Variants in INPP5A observed in about 807,000 individuals in gnomAD.
INPP5A encodes 43 kDa inositol polyphosphate 5-phophatase.
In INPP5A, 14 loss-of-function variants were observed where a neutral mutation model predicts 65.2. That is an observed-to-expected ratio of 0.21 (90% CI 0.14 to 0.34). The LOEUF is 0.34. Ranked by LOEUF, INPP5A falls within the 10% of genes least tolerant of loss-of-function variation. The probability of loss-of-function intolerance (pLI) is 1.00; values close to 1 mark genes in which losing one functional copy is unlikely to be tolerated. For synonymous variants in INPP5A, 207 were observed against 208.3 expected, an observed-to-expected ratio of 0.99 and a Z score of 0.05; for missense variants, 431 against 545.6, an observed-to-expected ratio of 0.79 and a Z score of 2.09.
chr10:132,670,843 CT>C (rs11289296), intron 4 of INPP5A, among the ~76,000 whole-genome samples: 69,730 of 117,098 alleles, frequency 0.6, 20,155 homozygotes, highest in East Asian at 0.83. Context: ...GTCTTTCTTT[CT>C]TTTTTTTTTT....
At chr10:132,749,471 C>T (rs1846431983) in intron 9 of INPP5A, 46 bp from the exon 10 acceptor site, 3 of 1,551,120 alleles carry the variant, frequency 1.9e-6, no homozygotes, top group African/African-American at 1.4e-5. Flanking sequence ...CTGCCATGGG[C>T]AGGTGGGCCC....
At chr10:132,636,196 A>G (rs1461771147) in intron 2 of INPP5A, among the ~76,000 whole-genome samples, 3 of 113,908 alleles carry the variant, frequency 2.6e-5, no homozygotes, top group South Asian at 2.8e-4. Flanking sequence ...TGTATTTTCT[A>G]TACCACACAC....
Position 132,727,033 on chromosome 10 carries a change from C to CG in INPP5A, c.732+128_732+129insG. On this transcript the variant is annotated intron_variant, in intron 9 of 15. Transcript: ENST00000368594. This position sits in a 1 kb window ranked among gnomAD's most constrained non-coding sequence, Gnocchi z 6.5. Reference sequence around the variant, plus strand: ...GCCTCCCGGGATGCACTTTTTAAGGCAAAACCTTTCAATGAAGAAGCATGT... The same window carrying CG: ...GCCTCCCGGGATGCACTTTTTAAGGCGAAAACCTTTCAATGAAGAAGCATGT... 1 of 553,548 alleles carries CG rather than the reference C, an allele frequency of 1.8e-6. No homozygotes were observed. 34.3% of individuals were successfully genotyped at this position (553,548 alleles called of 1,614,324 possible). A position where few individuals can be genotyped will look rare whatever the true frequency, so the allele number is the denominator to read the frequency against.
rs12254145 is a variant in INPP5A, at chr10:132,762,882, G to A, written c.904-2891G>A. On this transcript the variant is annotated intron_variant, in intron 11 of 15. Coordinates refer to ENST00000368594, the MANE Select transcript of INPP5A (RefSeq NM_005539.5). The surrounding 1 kb of genome is among the most constrained non-coding windows in gnomAD (Gnocchi z 4.6). ...CACACGCCTGTAATTCCATCTGCTC[G>A]GGAGGCTGAGGCAGGAGAATCACTT... is the stretch of plus-strand genomic sequence containing the variant. Among the ~76,000 whole-genome samples the A allele has an allele frequency of 1.4e-3, 213 of 152,234 alleles. No individual in the cohort carries two copies. The highest frequency in any genetic ancestry group is 4.8e-3 in the African/African-American group (201 of 41,530).
Position 132,613,665 on chromosome 10 carries a change from A to G in INPP5A, c.117+5709A>G, listed in dbSNP as rs376352584. Among the ~76,000 whole-genome samples, 3 of 150,900 alleles carry G rather than the reference A, an allele frequency of 2.0e-5. No homozygotes were observed. In the East Asian group the frequency reaches 5.8e-4, roughly 29 times the overall value. ...GATTTCAATGCCAATCCCCACTCTC[A>G]TGCTTGTTTTAGCCTGACTTTGTTT... On this transcript the variant is annotated intron_variant, in intron 2 of 15. Transcript: ENST00000368594.
chr10:132,635,983 C>CAAA (rs202003054), intron 2 of INPP5A, among the ~76,000 whole-genome samples: 14 of 49,236 alleles, frequency 2.8e-4, no homozygotes, highest in African/African-American at 8.0e-4. Context: ...ATCTCAAAGA[C>CAAA]AAAAAAAAAA....
At chr10:132,631,639 G>C (rs996352744) in intron 2 of INPP5A, among the ~76,000 whole-genome samples, 2 of 152,238 alleles carry the variant, frequency 1.3e-5, no homozygotes, top group African/African-American at 4.8e-5. Flanking sequence ...TGGCCGTGCC[G>C]ATGGACGTGG....
In INPP5A at chr10:132,653,001, C is replaced by T. The variant is rs1374312039; in HGVS notation, c.306+2496C>T. 3.9e-5 allele frequency among the ~76,000 whole-genome samples: 6 copies of T among 152,132 alleles called. No homozygotes were observed. In the East Asian group the frequency reaches 7.7e-4, roughly 20 times the overall value. On this transcript the variant is annotated intron_variant, in intron 4 of 15. Coordinates refer to ENST00000368594, the MANE Select transcript of INPP5A (RefSeq NM_005539.5). ...TCCTGCTGGCCGATGTGCAGGTGGG[C>T]GGAGGGGCAGTGCCCGCCACCCGCA...
chr10:132,719,342 C>A (rs1845813976), intron 8 of INPP5A, among the ~76,000 whole-genome samples: 1 of 148,454 alleles, frequency 6.7e-6, no homozygotes, highest in Admixed American at 6.7e-5. Flanking sequence ...TTCTGTGGTA[C>A]CTGGGTTCTG....
intron 11 of INPP5A, among the ~76,000 whole-genome samples, chr10:132,752,744 T>C (rs976456530): frequency 2.0e-5 from 3 of 151,850 alleles, no homozygotes; most frequent in Admixed American, 1.3e-4. Flanking sequence ...GTCTAGAGCA[T>C]CTGGGAGCAA....
chr10:132,698,124 A>G lies in INPP5A; in HGVS notation c.474+205A>G, dbSNP rs1451998160. On this transcript the variant is annotated intron_variant, in intron 6 of 15. Transcript: ENST00000368594. The surrounding 1 kb of genome is among the most constrained non-coding windows in gnomAD (Gnocchi z 5.5). ...AAGGGCAGTGAGAATCTAAGGCATT[A>G]GCACCAAGTAATCAGTAAGTTCCTG... 6.6e-6 allele frequency among the ~76,000 whole-genome samples: 1 copy of G among 152,230 alleles called. No individual in the cohort carries two copies. Among genetic ancestry groups the G allele is most frequent in the African/African-American group, 2.4e-5 (1 of 41,460 alleles).
chr10:132,657,100 C>T (rs1385829435), intron 4 of INPP5A, among the ~76,000 whole-genome samples: 1 of 152,220 alleles, frequency 6.6e-6, no homozygotes, highest in African/African-American at 2.4e-5. Context: ...GAGGCTGCCT[C>T]AGCCAGGATG....
At chr10:132,578,356 G>A (rs957799849) in intron 1 of INPP5A, among the ~76,000 whole-genome samples, 1 of 152,182 alleles carries the variant, frequency 6.6e-6, no homozygotes, top group Non-Finnish European at 1.5e-5. Flanking sequence ...AAAGACCCTG[G>A]TTCTCTCCAC....
chr10:132,749,957 C>T (rs1846444418), intron 11 of INPP5A, 112 bp downstream of exon 11: 1 of 945,214 alleles, frequency 1.1e-6, no homozygotes, highest in East Asian at 2.4e-5. Flanking sequence ...CTGCCACCTC[C>T]AGGACTCAGT....
intron 9 of INPP5A, among the ~76,000 whole-genome samples, chr10:132,739,532 G>A (rs952711866): frequency 6.6e-6 from 1 of 152,244 alleles, no homozygotes; most frequent in Non-Finnish European, 1.5e-5. Flanking sequence ...ATAGGTCCTA[G>A]TAGCCACCAG....
chr10:132,752,293 G>C lies in INPP5A; in HGVS notation c.903+2448G>C, dbSNP rs567185238. On this transcript the variant is annotated intron_variant, in intron 11 of 15. Coordinates refer to ENST00000368594, the MANE Select transcript of INPP5A (RefSeq NM_005539.5). ...GGGTCCCTTGGAGGAGGATGCCAGGGAAGCCCAGGGAGATGGAATGTTTTG... is the reference window on the plus strand; with the variant it reads ...GGGTCCCTTGGAGGAGGATGCCAGGCAAGCCCAGGGAGATGGAATGTTTTG... Among the ~76,000 whole-genome samples, 30 of 152,124 alleles carry C rather than the reference G, an allele frequency of 2.0e-4. No individual in the cohort carries two copies. The South Asian group carries it at 5.6e-3, about 28-fold the overall frequency.
chr10:132,746,102 G>A (rs527316834), intron 9 of INPP5A, among the ~76,000 whole-genome samples: 3 of 152,314 alleles, frequency 2.0e-5, no homozygotes, highest in South Asian at 2.1e-4. Context: ...GTGGGCCCCC[G>A]AGGCTGTGTG....
At position 132,651,783 on chromosome 10, in the gene INPP5A, C is replaced by G. The variant is rs180933919; in HGVS notation, c.306+1278C>G. On this transcript the variant is annotated intron_variant, in intron 4 of 15. Coordinates refer to ENST00000368594, the MANE Select transcript of INPP5A (RefSeq NM_005539.5). The surrounding 1 kb of genome is among the most constrained non-coding windows in gnomAD (Gnocchi z 5.0). ...CATCCAGTGCCAGTTGATCAATGTC[C>G]TTGTCCCTGAGATGGTCACACAGCT... 2.0e-4 allele frequency among the ~76,000 whole-genome samples: 30 copies of G among 152,334 alleles called. No individual in the cohort carries two copies. The highest frequency in any genetic ancestry group is 1.7e-3 in the Admixed American group (26 of 15,308).
intron 1 of INPP5A, among the ~76,000 whole-genome samples, chr10:132,592,553 C>T (rs1357948981): frequency 6.6e-6 from 1 of 152,134 alleles, no homozygotes; most frequent in African/African-American, 2.4e-5. Context: ...GTAGCTGGGA[C>T]TACAGGCGGG....
Sources: gnomAD v4.1 joint callset for allele counts (sites outside exome capture counted in the v4.1 genomes callset) on GRCh38, gnomAD v4.1.1 for gene constraint, Gnocchi (gnomAD v3.1) non-coding constraint, MANE v1.5 for transcripts, NCBI Gene and HGNC (gene_info 2026-07-23, HGNC 2026-07-21) for gene names.